Variants in SLC24A5 observed in about 807,000 individuals in gnomAD.
The protein encoded by SLC24A5 is solute carrier family 24 member 5.
Under a neutral mutation model 51.6 loss-of-function variants are expected in SLC24A5, and 46 were observed. The ratio of observed to expected loss-of-function variants is 0.89; its 90% CI spans 0.70 to 1.14. The LOEUF is 1.14. SLC24A5 is among the 50% of genes most tolerant of loss of function. The pLI is 0.00. For missense variants in SLC24A5, 581 were observed against 604.1 expected, an observed-to-expected ratio of 0.96 and a Z score of 0.40; for synonymous variants, 230 against 214.9, an observed-to-expected ratio of 1.07 and a Z score of -0.62.
At position 48,121,018 on chromosome 15, in the gene SLC24A5, G is replaced by C; in HGVS notation, c.-27G>C. 6.2e-7 allele frequency: 1 copy of C among 1,608,342 alleles called. No individual in the cohort carries two copies. Among genetic ancestry groups the C allele is most frequent in the Non-Finnish European group, 8.5e-7 (1 of 1,177,114 alleles). ...CCTCCTCTTCTCCCTTCCTGAAGCT[G>C]CACGCTGCAGTAAGAGCACAGCAGA... On this transcript the variant is annotated 5_prime_UTR_variant, in exon 1 of 9. Coordinates refer to ENST00000341459, the MANE Select transcript of SLC24A5 (RefSeq NM_205850.3).
At chr15:48,134,135 T>A in intron 2 of SLC24A5, 123 bp from the exon 3 acceptor site, 1 of 799,850 alleles carries the variant, frequency 1.3e-6, no homozygotes, top group Non-Finnish European at 2.1e-6. Flanking sequence ...ATCTGTGTAT[T>A]TTATTTTTCT....
intron 8 of SLC24A5, 82 bp downstream of exon 8, chr15:48,141,296 C>T (rs2039074905): frequency 1.7e-6 from 2 of 1,199,764 alleles, no homozygotes; most frequent in South Asian, 2.6e-5. Context: ...TGTTTACTTC[C>T]AGCCGGGTGT....
At chr15:48,141,053 C>A in intron 7 of SLC24A5, 60 bp from the exon 8 acceptor site, 1 of 1,357,120 alleles carries the variant, frequency 7.4e-7, no homozygotes, top group Non-Finnish European at 1.0e-6. Context: ...TCCAAAATAA[C>A]TGCAAAGGAT....
At chr15:48,131,451 C>A (rs1240852112) in intron 2 of SLC24A5, among the ~76,000 whole-genome samples, 1 of 151,902 alleles carries the variant, frequency 6.6e-6, no homozygotes, top group Non-Finnish European at 1.5e-5. Context: ...TTAATCCTTT[C>A]CTAGGGGGTG....
chr15:48,134,300 C>A lies in SLC24A5; in HGVS notation c.344C>A (p.Ala115Glu), dbSNP rs1359277013. ...GATGTTGCAGGCACAACTTTCATGG[C>A]AGCGGGCAGTTCAGCTCCTGAATTA... ...SQDVAGTTFM[A>E]AGSSAPELVT... Residue 115 changes from alanine (A) to glutamate (E), a missense_variant, in exon 3 of 9, where the codon GCA (alanine) becomes GAA (glutamate). Transcript: ENST00000341459. 16 of 1,613,560 alleles carry A rather than the reference C, an allele frequency of 9.9e-6. No individual in the cohort carries two copies. The highest frequency in any genetic ancestry group is 1.3e-5 in the Non-Finnish European group (15 of 1,179,694).
In SLC24A5 at chr15:48,142,278, G is replaced by GGCTT. The variant is rs2039118546; in HGVS notation, c.1434_1437dup (p.Thr480CysfsTer8). 1.2e-6 allele frequency: 2 copies of GGCTT among 1,613,368 alleles called. No individual in the cohort carries two copies. ...ATAGTCTGCCTATTATCATACTTGG[G>GGCTT]GCTTGCTACATTATCAGTTCTATAT... is the stretch of plus-strand genomic sequence containing the variant. On this transcript the variant is annotated frameshift_variant, in exon 9 of 9. Coordinates refer to ENST00000341459, the MANE Select transcript of SLC24A5 (RefSeq NM_205850.3). LOFTEE classifies it high-confidence loss of function.
chr15:48,121,338 TTAAA>T (rs2038677096), intron 1 of SLC24A5, among the ~76,000 whole-genome samples, 173 bp downstream of exon 1: 1 of 152,238 alleles, frequency 6.6e-6, no homozygotes, highest in African/African-American at 2.4e-5. Flanking sequence ...AAATAAGTTC[TTAAA>T]TATACTCCAA....
intron 6 of SLC24A5, 42 bp downstream of exon 6, chr15:48,137,005 G>T: frequency 6.5e-7 from 1 of 1,540,460 alleles, no homozygotes; most frequent in South Asian, 1.3e-5. Flanking sequence ...TATTCGCAAA[G>T]GAAAAACTTT....
intron 2 of SLC24A5, among the ~76,000 whole-genome samples, chr15:48,126,901 T>A (rs2038737744): frequency 6.6e-6 from 1 of 152,184 alleles, no homozygotes; most frequent in Admixed American, 6.5e-5. Flanking sequence ...TTTTTCCAAT[T>A]TTTTTCTCTC....
chr15:48,134,957 GTATAA>G lies in SLC24A5; in HGVS notation c.568_572del (p.Ile190Ter), dbSNP rs779087076. ...ACAATTAGTGCAGCAGCAGTTCTTGGTATAATATATGACAACCAAGTTTACTGGTA... is the reference window on the plus strand; with the variant it reads ...ACAATTAGTGCAGCAGCAGTTCTTGGTATATGACAACCAAGTTTACTGGTA... On this transcript the variant is annotated frameshift_variant, in exon 5 of 9. Coordinates refer to ENST00000341459, the MANE Select transcript of SLC24A5 (RefSeq NM_205850.3). LOFTEE classifies it high-confidence loss of function. 1.1e-5 allele frequency: 18 copies of G among 1,611,430 alleles called. No homozygotes were observed. In the South Asian group the frequency reaches 1.8e-4, roughly 16 times the overall value.
chr15:48,134,982 C>T lies in SLC24A5; in HGVS notation c.588C>T (p.Tyr196=). The change falls in exon 5 of 9, where the codon TAC becomes TAT. Residue 196 remains tyrosine (Y), a splice_region_variant and synonymous_variant. Coordinates refer to ENST00000341459, the MANE Select transcript of SLC24A5 (RefSeq NM_205850.3). ...VLGIIYDNQV[Y]WYEGALLLLI... is the part of the protein sequence containing the mutation. ...GTATAATATATGACAACCAAGTTTACTGGTAAGCTTGAAAATAATTCTTAT... is the reference window on the plus strand; with the variant it reads ...GTATAATATATGACAACCAAGTTTATTGGTAAGCTTGAAAATAATTCTTAT... 6.3e-7 allele frequency: 1 copy of T among 1,597,818 alleles called. No homozygotes were observed. The highest frequency in any genetic ancestry group is 8.6e-7 in the Non-Finnish European group (1 of 1,167,118).
chr15:48,137,693 G>C (rs748192915), intron 6 of SLC24A5: 3 of 152,066 alleles, frequency 2.0e-5, no homozygotes, highest in Non-Finnish European at 2.9e-5. Flanking sequence ...TATGGGGCCA[G>C]AAAAAGGAAC....
chr15:48,128,701 CT>C (rs2038757723), intron 2 of SLC24A5, among the ~76,000 whole-genome samples: 1 of 152,122 alleles, frequency 6.6e-6, no homozygotes, highest in Non-Finnish European at 1.5e-5. Context: ...CACACTCATT[CT>C]CCTAAGAGTA....
At chr15:48,124,779 G>T (rs1186133057) in intron 2 of SLC24A5, 1 of 152,156 alleles carries the variant, frequency 6.6e-6, no homozygotes, top group Non-Finnish European at 1.5e-5. Context: ...TCTCAAGTGA[G>T]TCTCTCTGCC....
At chr15:48,132,160 C>G (rs961642345) in intron 2 of SLC24A5, among the ~76,000 whole-genome samples, 29 of 152,104 alleles carry the variant, frequency 1.9e-4, no homozygotes, top group African/African-American at 6.0e-4. Context: ...GTTTCTTCAC[C>G]ACACAGACTA....
At chr15:48,122,339 G>C in intron 2 of SLC24A5, 1 of 540,804 alleles carries the variant, frequency 1.8e-6, no homozygotes, top group Non-Finnish European at 3.3e-6. Context: ...GATTTCACTT[G>C]TATGTACTTT....
chr15:48,122,175 G>A, intron 2 of SLC24A5, 139 bp downstream of exon 2: 1 of 875,992 alleles, frequency 1.1e-6, no homozygotes, highest in Non-Finnish European at 1.9e-6. Context: ...GGGGTCCCGT[G>A]TCTTAAGGAA....
chr15:48,126,650 T>C (rs1224359391), intron 2 of SLC24A5, among the ~76,000 whole-genome samples: 2 of 152,184 alleles, frequency 1.3e-5, no homozygotes, highest in Admixed American at 6.5e-5. Context: ...TCCTAACCAG[T>C]TGTGCTACTC....
chr15:48,121,205 C>G, intron 1 of SLC24A5, 40 bp downstream of exon 1: 1 of 1,545,384 alleles, frequency 6.5e-7, no homozygotes, highest in Non-Finnish European at 8.7e-7. Flanking sequence ...GCAGCAGCAG[C>G]TGCTGCTGCT....
Sources: gnomAD v4.1 joint callset for allele counts (sites outside exome capture counted in the v4.1 genomes callset) on GRCh38, gnomAD v4.1.1 for gene constraint, MANE v1.5 for transcripts, NCBI Gene and HGNC (gene_info 2026-07-23, HGNC 2026-07-21) for gene names.